PRR5: variants seen among roughly 807,000 people sequenced by gnomAD.
The protein encoded by PRR5 is proline-rich protein 5.
A neutral mutation model predicts 30.6 loss-of-function variants in PRR5; 25 were observed. That is an observed-to-expected ratio of 0.82 (90% confidence interval 0.60 to 1.14). The LOEUF (loss-of-function observed/expected upper bound fraction) is 1.14, where lower values mean the gene tolerates loss of function less well. PRR5 is among the 50% of genes most tolerant of loss of function. The probability of loss-of-function intolerance (pLI) is 0.00; values close to 1 mark genes in which losing one functional copy is unlikely to be tolerated. For synonymous variants in PRR5, 286 were observed against 247.1 expected (o/e 1.16, Z -1.48); for missense variants, 600 against 547.1 (o/e 1.10, Z -0.96).
chr22:44,710,901 AGGGCG>A (rs1201557343), intron 1 of PRR5, among the ~76,000 whole-genome samples: 15 of 152,282 alleles, frequency 9.9e-5, no homozygotes, highest in East Asian at 1.9e-4. Context: ...AGGGCAGGGC[AGGGCG>A]TGCTGACCTT....
chr22:44,714,455 A>G, intron 1 of PRR5, 136 bp from the exon 2 acceptor site: 4 of 1,240,022 alleles, frequency 3.2e-6, no homozygotes, highest in Non-Finnish European at 4.5e-6. Flanking sequence ...TCGGAGTTGA[A>G]GTGGGTGTGA....
At chr22:44,670,265 G>C (rs1923348251) in intron 1 of PRR5, among the ~76,000 whole-genome samples, 1 of 152,224 alleles carries the variant, frequency 6.6e-6, no homozygotes, top group African/African-American at 2.4e-5. Context: ...CCAGCAGTCA[G>C]AGGAGGTTAT....
exon 1 of PRR5, chr22:44,677,174 G>A (rs114264573): frequency 0.047 from 7,176 of 152,508 alleles, 345 homozygotes; most frequent in African/African-American, 0.12. Context: ...AGACCCGTGG[G>A]CTGGGATTCC....
At chr22:44,694,458 G>A (rs1925566955) in intron 1 of PRR5, among the ~76,000 whole-genome samples, 1 of 152,192 alleles carries the variant, frequency 6.6e-6, no homozygotes, top group Admixed American at 6.5e-5. Flanking sequence ...ACTTGAACCT[G>A]GGAGGTGGAG....
Position 44,702,593 on chromosome 22 carries a change from A to G in PRR5, c.119A>G (p.Asn40Ser), listed in dbSNP as rs767760002. The change falls in exon 1 of 8, where the codon AAC becomes AGC. Residue 40 changes from asparagine to serine, a missense_variant. Asn to Ser is a conservative substitution (Grantham distance 46). Coordinates refer to ENST00000336985, the MANE Select transcript of PRR5 (RefSeq NM_181333.4). ...ACGCAGCAGCGCCGGGCCTGCGCCA[A>G]CGCCACCTGGAACAGGTAAGGCCGC... Reference protein sequence around the residue: ...RGTQQRRACANATWNSIHNGV... With the variant: ...RGTQQRRACASATWNSIHNGV... 62 of 1,376,020 alleles carry G rather than the reference A, an allele frequency of 4.5e-5. No homozygotes were observed. The South Asian group carries it at 4.8e-4, about 11-fold the overall frequency. 85.2% of individuals were successfully genotyped at this position (1,376,020 alleles called of 1,614,324 possible). A position where few individuals can be genotyped will look rare whatever the true frequency, so the allele number is the denominator to read the frequency against.
chr22:44,728,129 G>T (rs865940839), intron 4 of PRR5, among the ~76,000 whole-genome samples: 2 of 152,176 alleles, frequency 1.3e-5, no homozygotes, highest in African/African-American at 2.4e-5. Context: ...CCCAGCAGGG[G>T]TGCCTGCCCA....
At chr22:44,687,393 T>A (rs5764962) in intron 1 of PRR5, among the ~76,000 whole-genome samples, 17,951 of 152,172 alleles carry the variant, frequency 0.12, 2,764 homozygotes, top group African/African-American at 0.36. Context: ...AGCCTACGGC[T>A]GTCACAGGCC....
intron 2 of PRR5, among the ~76,000 whole-genome samples, chr22:44,719,798 C>G (rs1238869474): frequency 2.0e-5 from 3 of 152,206 alleles, no homozygotes. Context: ...TGGCTCCTGG[C>G]CAAGTCACAG....
At chr22:44,675,764 TATTATTA>T (rs1222088142), upstream of PRR5, among the ~76,000 whole-genome samples, 1 of 132,984 alleles carries the variant, frequency 7.5e-6, no homozygotes, top group African/African-American at 3.3e-5. Context: ...TTGCTGTTGT[TATTATTA>T]TTATTATTAT....
intron 1 of PRR5, among the ~76,000 whole-genome samples, chr22:44,687,754 C>CT (rs1397964015): frequency 6.6e-6 from 1 of 152,132 alleles, no homozygotes; most frequent in Non-Finnish European, 1.5e-5. Context: ...GGCTGCCACA[C>CT]TTTCACTTAA....
chr22:44,677,742 A>G (rs1314308546), intron 1 of PRR5, among the ~76,000 whole-genome samples: 1 of 152,168 alleles, frequency 6.6e-6, no homozygotes, highest in Non-Finnish European at 1.5e-5. Context: ...GCCTGCTCAC[A>G]TGCTGTGTGA....
At chr22:44,707,687 C>G (rs552753843) in intron 1 of PRR5, among the ~76,000 whole-genome samples, 2 of 152,242 alleles carry the variant, frequency 1.3e-5, no homozygotes, top group Admixed American at 1.3e-4. Flanking sequence ...TTGCCCTCAC[C>G]TCTGTCTGGG....
upstream of PRR5, among the ~76,000 whole-genome samples, chr22:44,698,374 G>GGGGCCA (rs1925957592): frequency 1.3e-5 from 2 of 150,994 alleles, no homozygotes; most frequent in Non-Finnish European, 1.5e-5. Context: ...AGCAGAGGTG[G>GGGGCCA]CTCTGGTGGC....
At chr22:44,731,600 T>C (rs534800063) in intron 4 of PRR5, 130 bp from the exon 5 acceptor site, 5 of 831,976 alleles carry the variant, frequency 6.0e-6, no homozygotes, top group Admixed American at 2.0e-5. Flanking sequence ...GACATCGACC[T>C]TGGGCAGGTG....
intron 4 of PRR5, among the ~76,000 whole-genome samples, chr22:44,727,032 G>T (rs1208650723): frequency 1.3e-5 from 2 of 152,138 alleles, no homozygotes; most frequent in Admixed American, 6.5e-5. Context: ...GGGACAGGGT[G>T]GGGGACTCAG....
At chr22:44,686,265 A>G (rs201612886) in intron 1 of PRR5, among the ~76,000 whole-genome samples, 12,605 of 93,912 alleles carry the variant, frequency 0.13, 674 homozygotes, top group East Asian at 0.36. Context: ...AAAAGAAAAG[A>G]AAAAGAAGTT....
chr22:44,690,726 T>C (rs2146967199), intron 1 of PRR5, among the ~76,000 whole-genome samples: 1 of 152,240 alleles, frequency 6.6e-6, no homozygotes, highest in East Asian at 1.9e-4. Flanking sequence ...TTATTATTAT[T>C]ATCACTGAAA....
At chr22:44,708,124 C>T (rs1438789820) in intron 1 of PRR5, among the ~76,000 whole-genome samples, 10 of 152,124 alleles carry the variant, frequency 6.6e-5, no homozygotes, top group Admixed American at 4.6e-4. Flanking sequence ...CACTTGAATC[C>T]GGGAGACGGA....
chr22:44,731,233 T>TA, intron 4 of PRR5: 4 of 222,606 alleles, frequency 1.8e-5, no homozygotes, highest in Non-Finnish European at 3.6e-5. Flanking sequence ...TGTACCTGTG[T>TA]GGGTCTTACC....
Sources: gnomAD v4.1 joint callset for allele counts (sites outside exome capture counted in the v4.1 genomes callset) on GRCh38, gnomAD v4.1.1 for gene constraint, MANE v1.5 for transcripts, NCBI Gene and HGNC (gene_info 2026-07-23, HGNC 2026-07-21) for gene names.